Variants in FDXACB1 observed in about 807,000 individuals in gnomAD.
FDXACB1 encodes ferredoxin-fold anticodon-binding domain-containing protein 1.
A neutral mutation model predicts 51.7 loss-of-function variants in FDXACB1; 41 were observed. The observed-to-expected ratio is 0.79, with a 90% CI of 0.62 to 1.03. FDXACB1 has a LOEUF of 1.03. FDXACB1 is among the 50% of genes least tolerant of loss of function. The pLI, the probability that FDXACB1 is intolerant of heterozygous loss-of-function variation, is 0.00. For synonymous variants in FDXACB1, 273 were observed against 278.6 expected (o/e 0.98, Z 0.20); for missense variants, 697 against 746.4 (o/e 0.93, Z 0.77).
rs201328668 is a variant in FDXACB1 at position 111,878,704 on chromosome 11, C to T, written c.181G>A (p.Val61Ile). Residue 61 changes from valine to isoleucine, a missense_variant, in exon 2 of 5, where the codon GTA becomes ATA. Physicochemically the swap from Val to Ile is conservative, Grantham distance 29 (BLOSUM62 3). Around this residue, in one of 3 missense-constraint regions of FDXACB1, gnomAD observed 153 missense variants for 133.5 expected, o/e 1.15. Transcript: ENST00000260257. ...LQCLRERGIDVRFGVDCTQLA... is the reference protein window; with the variant it reads ...LQCLRERGIDIRFGVDCTQLA... The stretch of plus-strand genomic sequence containing the variant: ...TGGGTGCAGTCCACACCGAAACGTA[C>T]ATCGATACCTGGCAAAGATAGTTTG... 1.0e-4 allele frequency: 165 copies of T among 1,609,558 alleles called. No individual in the cohort carries two copies. Among genetic ancestry groups the T allele is most frequent in the Admixed American group, 6.8e-5 (4 of 58,932 alleles).
At chr11:111,876,271 T>A (rs1275913203) in intron 4 of FDXACB1, among the ~76,000 whole-genome samples, 167 bp from the exon 5 acceptor site, 1 of 152,228 alleles carries the variant, frequency 6.6e-6, no homozygotes, top group Non-Finnish European at 1.5e-5. Context: ...GACGTGTATT[T>A]CAGAACTCTG....
In FDXACB1 at chr11:111,874,660, CAGG is replaced by C. The variant is rs1239365742; in HGVS notation, c.*259_*261del. 2.9e-6 allele frequency: 1 copy of C among 346,686 alleles called. No homozygotes were observed. The highest frequency in any genetic ancestry group is 5.2e-6 in the Non-Finnish European group (1 of 192,090). The allele number at this position is 346,686 out of a possible 1,614,324, so 21.5% of individuals were successfully genotyped here. A position where few individuals can be genotyped will look rare whatever the true frequency, so the allele number is the denominator to read the frequency against. ...GTCCCAGCTACTCGGGAGGCTGAGG[CAGG>C]AGAATGGCATGAACCTGGGAGGTGG... On this transcript the variant is annotated 3_prime_UTR_variant, in exon 5 of 5. Coordinates refer to ENST00000260257, the MANE Select transcript of FDXACB1 (RefSeq NM_138378.3).
Position 111,876,571 on chromosome 11 carries a change from T to G in FDXACB1, c.602A>C (p.Glu201Ala), listed in dbSNP as rs781881813. Residue 201 changes from glutamate to alanine, a missense_variant, in exon 4 of 5, where the codon GAA (glutamate) becomes GCA (alanine). By Grantham distance (107) the Glu-to-Ala change is moderately radical (BLOSUM62 -1). Transcript: ENST00000260257. ...CCTGAAGATTCTGGGTTGAGAACCT[T>G]CAAAAGGTAAGCTCCTGGTGAAGAT... ...NHIFTRSLPF[E>A]GSQPRIFRIK... 5.3e-5 allele frequency: 85 copies of G among 1,613,918 alleles called. No individual in the cohort carries two copies. Among genetic ancestry groups the G allele is most frequent in the Non-Finnish European group, 6.9e-5 (81 of 1,179,896 alleles).
Position 111,879,079 on chromosome 11 carries a change from G to C in FDXACB1, c.54C>G (p.Ala18=). ...TCTGATCCAGGGTTTCGCTCAGAGC[G>C]GCGGCGAAGGAGAAATTCCCCTCCC... ...LVGEGNFSFA[A]ALSETLDQST... is the part of the protein sequence containing the mutation. Residue 18 remains alanine (A), a synonymous_variant, in exon 1 of 5, where the codon GCC becomes GCG. Coordinates refer to ENST00000260257, the MANE Select transcript of FDXACB1 (RefSeq NM_138378.3). 6.2e-7 allele frequency: 1 copy of C among 1,613,540 alleles called. No individual in the cohort carries two copies. The highest frequency in any genetic ancestry group is 8.5e-7 in the Non-Finnish European group (1 of 1,179,700).
At position 111,875,238 on chromosome 11, in the gene FDXACB1, G is replaced by A. The variant is rs1964785938; in HGVS notation, c.1559C>T (p.Pro520Leu). 1 of 1,613,772 alleles carries A rather than the reference G, an allele frequency of 6.2e-7. No individual in the cohort carries two copies. The highest frequency in any genetic ancestry group is 8.5e-7 in the Non-Finnish European group (1 of 1,179,902). Residue 520 changes from proline to leucine, a missense_variant, in exon 5 of 5, where the codon CCT becomes CTT. By Grantham distance (98) the Pro-to-Leu change is moderately conservative. Coordinates refer to ENST00000260257, the MANE Select transcript of FDXACB1 (RefSeq NM_138378.3). ...ACTTTTAAAGGGTTCTATTTTGCCA[G>A]GGACAAAATTTTTCAGGAAACGGTT... ...FDNRFLKNFVPGKIEPFKSHS... is the reference protein window; with the variant it reads ...FDNRFLKNFVLGKIEPFKSHS...
chr11:111,876,696 T>C (rs1413074146), intron 3 of FDXACB1, 57 bp from the exon 4 acceptor site: 146 of 1,593,736 alleles, frequency 9.2e-5, no homozygotes, highest in Non-Finnish European at 1.2e-4. Flanking sequence ...CAAGTATTTT[T>C]AGAGACCGAA....
At position 111,879,024 on chromosome 11, in the gene FDXACB1, G is replaced by A; in HGVS notation, c.109C>T (p.Arg37Cys). ...STQLTATCLQ[R>C]PAELARDPLA... ...GGATCCCGAGCCAACTCGGCCGGGC[G>A]CTGGAGGCAGGTGGCGGTAAGTTGA... Residue 37 changes from arginine to cysteine, a missense_variant, in exon 1 of 5, where the codon CGC becomes TGC. Around this residue, in one of 3 missense-constraint regions of FDXACB1, gnomAD observed 153 missense variants for 133.5 expected, o/e 1.15. Transcript: ENST00000260257. The A allele has an allele frequency of 3.1e-6, 5 of 1,613,530 alleles. No homozygotes were observed. Among genetic ancestry groups the A allele is most frequent in the Non-Finnish European group, 4.2e-6 (5 of 1,179,752 alleles).
Position 111,878,954 on chromosome 11 carries a change from T to A in FDXACB1, c.172+7A>T. 2.5e-6 allele frequency: 4 copies of A among 1,583,200 alleles called. No homozygotes were observed. Among genetic ancestry groups the A allele is most frequent in the Non-Finnish European group, 3.4e-6 (4 of 1,166,976 alleles). ...GGCGGGGTTTCGCAGAGGGGCGGGC[T>A]CGCTACCTCGCTCGCGCAGGCACTG... On this transcript the variant is annotated splice_region_variant and intron_variant, in intron 1 of 4. Transcript: ENST00000260257.
chr11:111,878,458 A>C, intron 2 of FDXACB1, 98 bp downstream of exon 2: 1 of 1,337,480 alleles, frequency 7.5e-7, no homozygotes, highest in South Asian at 1.5e-5. Context: ...TCTTCTAAAC[A>C]TATCATAGTA....
rs188048671 is a variant in FDXACB1, at chr11:111,878,882, C to A, written c.172+79G>T. The A allele has an allele frequency of 5.3e-3, 8,079 of 1,535,030 alleles. 48 individuals carry two copies. Among genetic ancestry groups the A allele is most frequent in the Non-Finnish European group, 5.0e-3 (5,668 of 1,140,044 alleles). ...TCAAGAACAATCTCCACGTGGGTTA[C>A]ATCCCCACGCCCCCACCCTTTCCAC... On this transcript the variant is annotated intron_variant, in intron 1 of 4. Coordinates refer to ENST00000260257, the MANE Select transcript of FDXACB1 (RefSeq NM_138378.3).
At chr11:111,878,869 TCCACGTGGGTTACATCC>T in intron 1 of FDXACB1, 75 bp downstream of exon 1, 1 of 1,528,352 alleles carries the variant, frequency 6.5e-7, no homozygotes, top group Non-Finnish European at 8.8e-7. Context: ...AAGAACAATC[TCCACGTGGGTTACATCC>T]CCACGCCCCC....
rs1964877335 is a variant in FDXACB1, at chr11:111,878,725, GT to G, written c.173-14del. 3 of 1,604,216 alleles carry G rather than the reference GT, an allele frequency of 1.9e-6. No homozygotes were observed. Among genetic ancestry groups the G allele is most frequent in the Non-Finnish European group, 2.6e-6 (3 of 1,175,548 alleles). ...CGTACATCGATACCTGGCAAAGATAGTTTGGGGGCGCAAAATATAGACAGGA... is the reference window on the plus strand; with the variant it reads ...CGTACATCGATACCTGGCAAAGATAGTTGGGGGCGCAAAATATAGACAGGA... On this transcript the variant is annotated splice_polypyrimidine_tract_variant and intron_variant, in intron 1 of 4. Transcript: ENST00000260257.
At chr11:111,876,685 G>A (rs781913851) in intron 3 of FDXACB1, 46 bp from the exon 4 acceptor site, 4 of 1,596,140 alleles carry the variant, frequency 2.5e-6, no homozygotes, top group East Asian at 2.2e-5. Context: ...ATTAAAATAA[G>A]CAAGTATTTT....
At position 111,879,142 on chromosome 11, in the gene FDXACB1, G is replaced by A. The variant is rs1555162723; in HGVS notation, c.-10C>T. On this transcript the variant is annotated 5_prime_UTR_variant, in exon 1 of 5. Coordinates refer to ENST00000260257, the MANE Select transcript of FDXACB1 (RefSeq NM_138378.3). ...GGCGCCGAGGGGCCATGGCCTCCAC[G>A]GACTCCCGGCTCGCGTTCTCTGTGG... 3.1e-6 allele frequency: 5 copies of A among 1,602,358 alleles called. No homozygotes were observed. Among genetic ancestry groups the A allele is most frequent in the Middle Eastern group, 1.7e-4 (1 of 5,996 alleles).
chr11:111,877,477 T>G (rs1964839311), intron 2 of FDXACB1, among the ~76,000 whole-genome samples: 1 of 152,134 alleles, frequency 6.6e-6, no homozygotes. Context: ...AAGCACTGTT[T>G]TCAGTTCACA....
Position 111,878,555 on chromosome 11 carries a change from C to T in FDXACB1, c.329+1G>A. The T allele has an allele frequency of 6.3e-7, 1 of 1,585,910 alleles. No homozygotes were observed. Among genetic ancestry groups the T allele is most frequent in the East Asian group, 2.3e-5 (1 of 44,046 alleles). Reference sequence around the variant, plus strand: ...CCTTGTGAGGGCGCTCCTTTCCTCACCTTTGGAAAAATTTGGCAAGCAGTT... The same window carrying T: ...CCTTGTGAGGGCGCTCCTTTCCTCATCTTTGGAAAAATTTGGCAAGCAGTT... On this transcript the variant is annotated splice_donor_variant, in intron 2 of 4. Coordinates refer to ENST00000260257, the MANE Select transcript of FDXACB1 (RefSeq NM_138378.3). LOFTEE classifies it high-confidence loss of function.
Position 111,876,921 on chromosome 11 carries a change from T to C in FDXACB1, c.420A>G (p.Glu140=), listed in dbSNP as rs782571970. 3.0e-5 allele frequency: 49 copies of C among 1,612,454 alleles called. No individual in the cohort carries two copies. In the Middle Eastern group the frequency reaches 6.6e-4, roughly 22 times the overall value. ...CAACCACTTGCCAACTGTTGTGCCATTCTCTCTGGGGCTTATCCGCAGGAG... is the reference window on the plus strand; with the variant it reads ...CAACCACTTGCCAACTGTTGTGCCACTCTCTCTGGGGCTTATCCGCAGGAG... The part of the protein sequence containing the change: ...GGTPADKPQR[E]WHNSWQVVAM... Residue 140 remains glutamate, a synonymous_variant, in exon 3 of 5, where the codon GAA becomes GAG. Transcript: ENST00000260257.
intron 2 of FDXACB1, 31 bp downstream of exon 2, chr11:111,878,525 A>G (rs1964870905): frequency 1.9e-6 from 3 of 1,547,662 alleles, no homozygotes; most frequent in Non-Finnish European, 2.6e-6. Flanking sequence ...CATCTTAAAC[A>G]TTTTCCTTGT....
chr11:111,876,577 G>T lies in FDXACB1; in HGVS notation c.596C>A (p.Pro199His), dbSNP rs781866894. 6.2e-7 allele frequency: 1 copy of T among 1,614,002 alleles called. No individual in the cohort carries two copies. The highest frequency in any genetic ancestry group is 1.1e-5 in the South Asian group (1 of 91,084). Residue 199 changes from proline (P) to histidine (H), a missense_variant, in exon 4 of 5, where the codon CCT becomes CAT. Transcript: ENST00000260257. Reference sequence around the variant, plus strand: ...GATTCTGGGTTGAGAACCTTCAAAAGGTAAGCTCCTGGTGAAGATATGGTT... The same window carrying T: ...GATTCTGGGTTGAGAACCTTCAAAATGTAAGCTCCTGGTGAAGATATGGTT... ...ALNHIFTRSL[P>H]FEGSQPRIFR...
Sources: allele counts gnomAD v4.1 joint callset (sites outside exome capture counted in the v4.1 genomes callset), GRCh38; gene constraint gnomAD v4.1.1; regional missense constraint gnomAD v4.1.1; transcripts MANE v1.5; gene names NCBI Gene and HGNC (gene_info 2026-07-23, HGNC 2026-07-21).